Variants in DLC1 observed in about 807,000 individuals in gnomAD.
DLC1 encodes rho GTPase-activating protein 7.
Under a neutral mutation model 140.3 loss-of-function variants are expected in DLC1, and 54 were observed. The ratio of observed to expected loss-of-function variants is 0.38; its 90% confidence interval spans 0.31 to 0.48. The LOEUF is 0.48. DLC1 is among the 20% of genes least tolerant of loss of function. The pLI is 0.96. For synonymous variants in DLC1, 986 were observed against 728.1 expected (o/e 1.35, Z -5.70); for missense variants, 2,536 against 1,907.0 (o/e 1.33, Z -6.14).
chr8:13,263,435 G>C lies in DLC1; in HGVS notation c.1348+41834C>G, dbSNP rs970284109. ...ACTTAGTTACATTTTAGCTTGATCTGTATAAGAAACCACAGTAAGATAAGA... is the reference window on the plus strand; with the variant it reads ...ACTTAGTTACATTTTAGCTTGATCTCTATAAGAAACCACAGTAAGATAAGA... On this transcript the variant is annotated intron_variant, in intron 5 of 17. Coordinates refer to ENST00000276297, the MANE Select transcript of DLC1 (RefSeq NM_182643.3). 5.9e-5 allele frequency among the ~76,000 whole-genome samples: 9 copies of C among 151,998 alleles called. No homozygotes were observed. The East Asian group carries it at 1.5e-3, about 26-fold the overall frequency.
intron 5 of DLC1, among the ~76,000 whole-genome samples, chr8:13,188,940 C>T (rs1187275694): frequency 4.2e-4 from 62 of 147,598 alleles, no homozygotes; most frequent in African/African-American, 1.2e-3. Context: ...CCGCCCGCCT[C>T]GGCCTCCCAA....
Position 13,305,023 on chromosome 8 carries a change from T to C in DLC1, c.1348+246A>G, listed in dbSNP as rs561039916. 1.4e-3 allele frequency: 1,527 copies of C among 1,124,666 alleles called. 3 individuals are homozygous for C. Among genetic ancestry groups the C allele is most frequent in the Non-Finnish European group, 1.6e-3 (1,442 of 917,508 alleles). 69.7% of individuals were successfully genotyped at this position (1,124,666 alleles called of 1,614,324 possible). On this transcript the variant is annotated intron_variant, in intron 5 of 17. Transcript: ENST00000276297. ...TTTGCTTAAGAAAAAAAAATTGTGG[T>C]TGCAGTTACAAGGAAGACCCCAAGA... is the stretch of plus-strand genomic sequence containing the variant.
chr8:13,251,420 G>A (rs2410044), intron 5 of DLC1, among the ~76,000 whole-genome samples: 35,519 of 151,908 alleles, frequency 0.23, 4,310 homozygotes, highest in South Asian at 0.34. Context: ...GTATCAATTT[G>A]GGATTTGGGA....
chr8:13,098,593 AG>A lies in DLC1; in HGVS notation c.2991-19del, dbSNP rs754026785. The A allele has an allele frequency of 2.9e-5, 46 of 1,604,304 alleles. No individual in the cohort carries two copies. The African/African-American group carries it at 4.8e-4, about 17-fold the overall frequency. On this transcript the variant is annotated intron_variant, in intron 9 of 17. Coordinates refer to ENST00000276297, the MANE Select transcript of DLC1 (RefSeq NM_182643.3). ...GTCGGTGCCTGCGAGAGAAGAGGAGAGGAAAATGAGTGTGAAGCCTTTTTAT... is the reference window on the plus strand; with the variant it reads ...GTCGGTGCCTGCGAGAGAAGAGGAGAGAAAATGAGTGTGAAGCCTTTTTAT...
At position 13,499,947 on chromosome 8, in the gene DLC1, G is replaced by T. The variant is rs1801722844; in HGVS notation, c.125C>A (p.Ala42Glu). 1.2e-6 allele frequency: 2 copies of T among 1,613,972 alleles called. No individual in the cohort carries two copies. The highest frequency in any genetic ancestry group is 8.5e-7 in the Non-Finnish European group (1 of 1,179,988). ...TAGAGTTGCATCTTTTTCCATACTTGCCTGCAAGCTGTCAGCTACTAGTCC... is the reference window on the plus strand; with the variant it reads ...TAGAGTTGCATCTTTTTCCATACTTTCCTGCAAGCTGTCAGCTACTAGTCC... ...HHGLVADSLQ[A>E]SMEKDATLNV... Residue 42 changes from alanine (A) to glutamate (E), a missense_variant, in exon 2 of 18, where the codon GCA becomes GAA. Coordinates refer to ENST00000276297, the MANE Select transcript of DLC1 (RefSeq NM_182643.3).
At chr8:13,098,207 G>A (rs1391702081) in intron 10 of DLC1, among the ~76,000 whole-genome samples, 192 bp downstream of exon 10, 4 of 152,076 alleles carry the variant, frequency 2.6e-5, no homozygotes, top group Middle Eastern at 3.4e-3. Context: ...TCCAGCCTAC[G>A]TAACAGAGCA....
chr8:13,242,682 T>A (rs1027284822), intron 5 of DLC1, among the ~76,000 whole-genome samples: 5 of 152,194 alleles, frequency 3.3e-5, no homozygotes. Flanking sequence ...TGTGAGCCAT[T>A]GTGCCTGGTC....
intron 5 of DLC1, among the ~76,000 whole-genome samples, chr8:13,273,449 C>A (rs542792502): frequency 3.3e-4 from 50 of 152,210 alleles, no homozygotes; most frequent in South Asian, 8.3e-4. Flanking sequence ...TGGGATGTAA[C>A]TGGGCAGAAA....
intron 4 of DLC1, among the ~76,000 whole-genome samples, chr8:13,355,482 G>C (rs775720291): frequency 1.3e-5 from 2 of 152,170 alleles, no homozygotes; most frequent in South Asian, 2.1e-4. Context: ...AGGTCTGGCA[G>C]GGTTCTGCTT....
At chr8:13,111,035 G>A (rs1382985194) in intron 6 of DLC1, among the ~76,000 whole-genome samples, 1 of 152,090 alleles carries the variant, frequency 6.6e-6, no homozygotes, top group African/African-American at 2.4e-5. Flanking sequence ...TTAATGTGGG[G>A]GAAACTCAAA....
intron 1 of DLC1, among the ~76,000 whole-genome samples, chr8:13,587,544 T>C (rs190611240): frequency 0.012 from 1,776 of 142,180 alleles, 38 homozygotes; most frequent in African/African-American, 0.043. Flanking sequence ...AATGTGACTA[T>C]ACACACACAC....
At chr8:13,487,268 A>G (rs1585190373) in intron 2 of DLC1, among the ~76,000 whole-genome samples, 1 of 152,284 alleles carries the variant, frequency 6.6e-6, no homozygotes, top group East Asian at 1.9e-4. Context: ...GACATCCATA[A>G]TATTTTTGTT....
At chr8:13,379,618 C>G (rs1421365908) in intron 4 of DLC1, among the ~76,000 whole-genome samples, 2 of 152,202 alleles carry the variant, frequency 1.3e-5, no homozygotes. Flanking sequence ...ACCCTCTTTA[C>G]TTATTGCTGA....
rs1159030712 is a variant in DLC1 at position 13,507,130 on chromosome 8, A to C, written c.-125-6934T>G. 3.9e-5 allele frequency among the ~76,000 whole-genome samples: 6 copies of C among 152,318 alleles called. No homozygotes were observed. In the East Asian group the frequency reaches 7.7e-4, roughly 20 times the overall value. On this transcript the variant is annotated intron_variant, in intron 1 of 17. Transcript: ENST00000276297. ...TTACAAAGAGCATTTGTGGAAGCCA[A>C]AATGAAACCCATTTTCTTAATGATA...
At chr8:13,183,384 G>T (rs1826154920) in intron 5 of DLC1, among the ~76,000 whole-genome samples, 1 of 152,142 alleles carries the variant, frequency 6.6e-6, no homozygotes, top group African/African-American at 2.4e-5. Flanking sequence ...GGGCATCCTT[G>T]CCTTGTGCCA....
At chr8:13,095,406 T>TACCACTGG in intron 10 of DLC1, 161 bp from the exon 11 acceptor site, 2 of 836,306 alleles carry the variant, frequency 2.4e-6, no homozygotes, top group Non-Finnish European at 3.7e-6. Context: ...AGTTCCCCAG[T>TACCACTGG]GGTACTGGCC....
chr8:13,494,882 C>T (rs1487192017), intron 2 of DLC1, among the ~76,000 whole-genome samples: 4 of 151,970 alleles, frequency 2.6e-5, no homozygotes, highest in South Asian at 4.2e-4. Flanking sequence ...ACCCAGGAGG[C>T]GGAAGTTGCA....
chr8:13,218,145 C>T (rs1188272), intron 5 of DLC1, among the ~76,000 whole-genome samples: 88,135 of 151,968 alleles, frequency 0.58, 26,755 homozygotes, highest in East Asian at 0.84. Context: ...ATGGAAAGAA[C>T]AGTCTCTTCA....
chr8:13,239,409 G>C (rs1829447237), intron 5 of DLC1, among the ~76,000 whole-genome samples: 1 of 152,018 alleles, frequency 6.6e-6, no homozygotes, highest in Non-Finnish European at 1.5e-5. Context: ...TGTTGAGTTG[G>C]GTTACAAGGA....
Sources: gnomAD v4.1 joint callset for allele counts (sites outside exome capture counted in the v4.1 genomes callset) on GRCh38, gnomAD v4.1.1 for gene constraint, MANE v1.5 for transcripts, NCBI Gene and HGNC (gene_info 2026-07-23, HGNC 2026-07-21) for gene names.